PLA2G7: variants seen among roughly 807,000 people sequenced by gnomAD.
PLA2G7 encodes platelet-activating factor acetylhydrolase.
A neutral mutation model predicts 49.6 loss-of-function variants in PLA2G7; 63 were observed. The ratio of observed to expected loss-of-function variants is 1.27; its 90% CI spans 1.04 to 1.57. The LOEUF (loss-of-function observed/expected upper bound fraction) is 1.57. PLA2G7 is among the 40% of genes most tolerant of loss of function. The pLI is 0.00. For synonymous variants in PLA2G7, 193 were observed against 169.9 expected, an observed-to-expected ratio of 1.14 and a Z score of -1.06; for missense variants, 596 against 521.2, an observed-to-expected ratio of 1.14 and a Z score of -1.40.
chr6:46,704,509 C>CACA lies in PLA2G7; in HGVS notation c.*50_*51insTGT. 2 of 945,712 alleles carry CACA rather than the reference C, an allele frequency of 2.1e-6. No homozygotes were observed. Among genetic ancestry groups the CACA allele is most frequent in the Non-Finnish European group, 3.4e-6 (2 of 589,618 alleles). 58.6% of individuals were successfully genotyped at this position (945,712 alleles called of 1,614,324 possible). A position where few individuals can be genotyped will look rare whatever the true frequency, so the allele number is the denominator to read the frequency against. ...ACACACACACACACACACACACACA[C>CACA]ATAATTTTAGACAGTTTTGAAACAA... On this transcript the variant is annotated 3_prime_UTR_variant, in exon 12 of 12. Transcript: ENST00000274793.
intron 1 of PLA2G7, among the ~76,000 whole-genome samples, chr6:46,732,468 A>G (rs1041392656): frequency 1.3e-5 from 2 of 151,794 alleles, no homozygotes; most frequent in African/African-American, 4.8e-5. Context: ...TCATCCCTCA[A>G]TTCTAGAATG....
intron 2 of PLA2G7, among the ~76,000 whole-genome samples, chr6:46,719,879 G>A (rs1474025079): frequency 1.3e-5 from 2 of 152,154 alleles, no homozygotes; most frequent in African/African-American, 4.8e-5. Context: ...GTTTTAGCAG[G>A]TCTAACCTCT....
At chr6:46,708,403 TTGAG>T (rs1225511476) in intron 9 of PLA2G7, among the ~76,000 whole-genome samples, 1 of 152,186 alleles carries the variant, frequency 6.6e-6, no homozygotes. Flanking sequence ...TTGCAACCAT[TTGAG>T]TGATATATCC....
chr6:46,710,467 G>T, intron 8 of PLA2G7, 78 bp downstream of exon 8: 1 of 915,456 alleles, frequency 1.1e-6, no homozygotes, highest in Non-Finnish European at 1.8e-6. Flanking sequence ...ATTGTACCTT[G>T]CAATATAGCA....
At chr6:46,715,308 C>T (rs996755146) in intron 4 of PLA2G7, among the ~76,000 whole-genome samples, 22 of 152,312 alleles carry the variant, frequency 1.4e-4, no homozygotes, top group African/African-American at 5.1e-4. Flanking sequence ...AGAGAAACCA[C>T]TGACTTCATA....
chr6:46,706,609 C>T (rs1000012755), intron 10 of PLA2G7, among the ~76,000 whole-genome samples: 14 of 152,210 alleles, frequency 9.2e-5, no homozygotes, highest in East Asian at 1.9e-4. Flanking sequence ...TTGGCATGCC[C>T]GTGGGGGCCC....
upstream of PLA2G7, chr6:46,735,391 A>G (rs1359774922): frequency 6.6e-6 from 1 of 152,516 alleles, no homozygotes; most frequent in East Asian, 1.9e-4. Context: ...GGGTCCGCCT[A>G]GCGCGGCCTT....
chr6:46,721,719 G>A (rs1338934968), intron 2 of PLA2G7, among the ~76,000 whole-genome samples: 2 of 151,208 alleles, frequency 1.3e-5, no homozygotes, highest in African/African-American at 4.9e-5. Flanking sequence ...ATGCGTTATA[G>A]GATGAATGGA....
chr6:46,710,015 A>G (rs1188481561), intron 8 of PLA2G7, among the ~76,000 whole-genome samples: 3 of 152,154 alleles, frequency 2.0e-5, no homozygotes, highest in Admixed American at 6.5e-5. Context: ...CAAGGGGACA[A>G]CATGTACAAA....
intron 1 of PLA2G7, among the ~76,000 whole-genome samples, chr6:46,734,083 A>G (rs1420245352): frequency 6.6e-6 from 1 of 152,098 alleles, no homozygotes; most frequent in Non-Finnish European, 1.5e-5. Flanking sequence ...GTTTTTGGTG[A>G]CAGAAATTTC....
At chr6:46,728,354 T>A (rs923719667) in intron 1 of PLA2G7, among the ~76,000 whole-genome samples, 9 of 152,216 alleles carry the variant, frequency 5.9e-5, no homozygotes, top group African/African-American at 2.2e-4. Flanking sequence ...TCAGGGATGC[T>A]GTTAAGCATC....
rs986324143 is a variant in PLA2G7, at chr6:46,714,403, T to TA, written c.470+56dup. 2.8e-5 allele frequency: 29 copies of TA among 1,029,652 alleles called. No homozygotes were observed. In the African/African-American group the frequency reaches 3.4e-4, roughly 12 times the overall value. 63.8% of individuals were successfully genotyped at this position (1,029,652 alleles called of 1,614,324 possible). A position where few individuals can be genotyped will look rare whatever the true frequency, so the allele number is the denominator to read the frequency against. The stretch of plus-strand genomic sequence containing the variant: ...CAAACTCTGCTATTTCTTTCTTGAA[T>TA]AAAAAAATTGTCATTTATTCCTGGA... On this transcript the variant is annotated intron_variant, in intron 5 of 11. Coordinates refer to ENST00000274793, the MANE Select transcript of PLA2G7 (RefSeq NM_005084.4).
chr6:46,710,764 A>C, intron 7 of PLA2G7, 106 bp from the exon 8 acceptor site: 9 of 826,140 alleles, frequency 1.1e-5, no homozygotes, highest in Non-Finnish European at 1.8e-5. Flanking sequence ...GTCAGTTATA[A>C]ACTGGAAATC....
chr6:46,709,237 C>T, intron 9 of PLA2G7, 90 bp downstream of exon 9: 1 of 791,914 alleles, frequency 1.3e-6, no homozygotes, highest in Non-Finnish European at 2.2e-6. Flanking sequence ...ATCCCTTCTT[C>T]ACTAAGAATT....
intron 5 of PLA2G7, among the ~76,000 whole-genome samples, chr6:46,713,782 C>G (rs112658784): frequency 0.028 from 4,206 of 152,274 alleles, 83 homozygotes; most frequent in Non-Finnish European, 0.043. Flanking sequence ...ACTAAAGACC[C>G]TATCCAGCTC....
At chr6:46,708,448 AATAC>A (rs1764904992) in intron 9 of PLA2G7, among the ~76,000 whole-genome samples, 1 of 152,234 alleles carries the variant, frequency 6.6e-6, no homozygotes, top group Non-Finnish European at 1.5e-5. Flanking sequence ...TAAATTTTAG[AATAC>A]ATAATAATTT....
Position 46,705,186 on chromosome 6 carries a change from T to C in PLA2G7, c.1156A>G (p.Lys386Glu). 1 of 1,609,962 alleles carries C rather than the reference T, an allele frequency of 6.2e-7. No individual in the cohort carries two copies. Among genetic ancestry groups the C allele is most frequent in the Admixed American group, 1.7e-5 (1 of 59,942 alleles). Reference sequence around the variant, plus strand: ...TTTTGTAAGAATGCTAATGAAGCTTTGTTGCTAAGATCAATAGCTACATTT... The same window carrying C: ...TTTTGTAAGAATGCTAATGAAGCTTCGTTGCTAAGATCAATAGCTACATTT... ...DSNVAIDLSN[K>E]ASLAFLQKHL... is the part of the protein sequence containing the mutation. Residue 386 changes from lysine to glutamate, a missense_variant, in exon 11 of 12, where the codon AAA (lysine) becomes GAA (glutamate). By Grantham distance (56) the Lys-to-Glu change is moderately conservative. Transcript: ENST00000274793.
At chr6:46,727,784 G>A (rs146497766) in intron 1 of PLA2G7, among the ~76,000 whole-genome samples, 114 of 152,216 alleles carry the variant, frequency 7.5e-4, no homozygotes, top group African/African-American at 1.6e-3. Flanking sequence ...TGAAGGAAGC[G>A]GGCATGAGCT....
chr6:46,718,139 TC>T (rs1432413200), intron 2 of PLA2G7, among the ~76,000 whole-genome samples: 1 of 152,188 alleles, frequency 6.6e-6, no homozygotes, highest in Non-Finnish European at 1.5e-5. Context: ...TTGCTCTCTC[TC>T]CTAACTGTTC....
Sources: allele counts gnomAD v4.1 joint callset (sites outside exome capture counted in the v4.1 genomes callset), GRCh38; gene constraint gnomAD v4.1.1; transcripts MANE v1.5; gene names NCBI Gene and HGNC (gene_info 2026-07-23, HGNC 2026-07-21).